Variants in PCDHGB2 observed in about 807,000 individuals in gnomAD.
PCDHGB2 encodes protocadherin gamma-B2.
In PCDHGB2, 55 loss-of-function variants were observed where a neutral mutation model predicts 59.3. That is an observed-to-expected ratio of 0.93 (90% CI 0.75 to 1.16). PCDHGB2 has a LOEUF of 1.16. Among genes scored for constraint, PCDHGB2 ranks in the 50% most tolerant of loss-of-function variants. The probability of loss-of-function intolerance (pLI) is 0.00; values close to 1 mark genes in which losing one functional copy is unlikely to be tolerated. For missense variants in PCDHGB2, 1,228 were observed against 1,198.5 expected (o/e 1.02, Z -0.36); for synonymous variants, 516 against 512.0 (o/e 1.01, Z -0.11).
At chr5:141,488,268 C>T (rs1371050827) in intron 1 of PCDHGB2, among the ~76,000 whole-genome samples, 1 of 152,170 alleles carries the variant, frequency 6.6e-6, no homozygotes, top group East Asian at 1.9e-4. Context: ...GCGGGTTGGT[C>T]ATCACCTTTG....
intron 1 of PCDHGB2, chr5:141,409,547 G>A (rs760802690): frequency 1.2e-6 from 2 of 1,613,936 alleles, no homozygotes; most frequent in Non-Finnish European, 1.7e-6. Flanking sequence ...CAACGACAAC[G>A]CCCCAGTTTT....
intron 1 of PCDHGB2, chr5:141,399,976 CTGCGCACAGGAGAGG>C: frequency 1.2e-6 from 2 of 1,612,242 alleles, no homozygotes; most frequent in Non-Finnish European, 8.5e-7. Context: ...CAGCCTGGGG[CTGCGCACAGGAGAGG>C]TGCGCACAGC....
chr5:141,361,534 C>T lies in PCDHGB2; in HGVS notation c.1399C>T (p.Pro467Ser), dbSNP rs1251295002. 2.5e-6 allele frequency: 4 copies of T among 1,614,058 alleles called. No homozygotes were observed. The highest frequency in any genetic ancestry group is 2.5e-6 in the Non-Finnish European group (3 of 1,179,902). ...YMVHVAENNP[P>S]GASIAQISAS... Reference sequence around the variant, plus strand: ...GGTTCACGTGGCAGAGAACAATCCTCCTGGCGCCTCTATCGCTCAAATCAG... The same window carrying T: ...GGTTCACGTGGCAGAGAACAATCCTTCTGGCGCCTCTATCGCTCAAATCAG... Residue 467 changes from proline (P) to serine (S), a missense_variant, in exon 1 of 4, where the codon CCT becomes TCT. Physicochemically the swap from Pro to Ser is moderately conservative, Grantham distance 74. Around this residue, in one of 3 missense-constraint regions of PCDHGB2, gnomAD observed 781 missense variants for 721.6 expected, o/e 1.08. Coordinates refer to ENST00000522605, the MANE Select transcript of PCDHGB2 (RefSeq NM_018923.3).
At chr5:141,376,815 T>C in intron 1 of PCDHGB2, 1 of 299,046 alleles carries the variant, frequency 3.3e-6, no homozygotes, top group Admixed American at 4.9e-5. Context: ...GCCTCCCTAG[T>C]AGCTGGGACT....
intron 1 of PCDHGB2, among the ~76,000 whole-genome samples, chr5:141,483,207 A>C (rs1225621725): frequency 6.6e-6 from 1 of 152,224 alleles, no homozygotes; most frequent in African/African-American, 2.4e-5. Flanking sequence ...TATTCCATAT[A>C]GATGACAGTC....
intron 1 of PCDHGB2, chr5:141,404,077 C>T: frequency 6.2e-7 from 1 of 1,613,742 alleles, no homozygotes; most frequent in East Asian, 2.2e-5. Flanking sequence ...ATGACCGAGA[C>T]TCCGGGAAGA....
At position 141,491,660 on chromosome 5, in the gene PCDHGB2, C is replaced by A; in HGVS notation, c.2422-3147C>A. ...ACAGCTCTGGCGCTGGAGCCTGACGCCATCCGGTCCCGCTCTAATACGCTG... is the reference window on the plus strand; with the variant it reads ...ACAGCTCTGGCGCTGGAGCCTGACGACATCCGGTCCCGCTCTAATACGCTG... On this transcript the variant is annotated intron_variant, in intron 1 of 3. Transcript: ENST00000522605. The surrounding 1 kb of genome is among the most constrained non-coding windows in gnomAD (Gnocchi z 6.9). The A allele has an allele frequency of 6.2e-7, 1 of 1,613,810 alleles. No individual in the cohort carries two copies. The highest frequency in any genetic ancestry group is 8.5e-7 in the Non-Finnish European group (1 of 1,180,008).
intron 1 of PCDHGB2, chr5:141,413,638 C>T (rs768604791): frequency 4.8e-5 from 78 of 1,613,686 alleles, no homozygotes; most frequent in Middle Eastern, 1.6e-4. Flanking sequence ...TGCGGGAATG[C>T]GTTTTCCTCT....
chr5:141,370,197 G>A (rs1766736161), intron 1 of PCDHGB2: 1 of 536,070 alleles, frequency 1.9e-6, no homozygotes, highest in Non-Finnish European at 3.2e-6. Flanking sequence ...CTAGTGCTGT[G>A]CAAAATATTG....
At chr5:141,425,021 CT>C (rs1561817318) in intron 1 of PCDHGB2, among the ~76,000 whole-genome samples, 1 of 152,054 alleles carries the variant, frequency 6.6e-6, no homozygotes, top group Non-Finnish European at 1.5e-5. Context: ...AGGAATTTAC[CT>C]TATGTCATTA....
At chr5:141,387,610 T>A in intron 1 of PCDHGB2, 2 of 558,176 alleles carry the variant, frequency 3.6e-6, no homozygotes, top group East Asian at 3.0e-5. Flanking sequence ...AGGCTGTAGT[T>A]TCCTAGTGCT....
chr5:141,374,181 A>C (rs765792921), intron 1 of PCDHGB2: 2 of 1,613,530 alleles, frequency 1.2e-6, no homozygotes, highest in African/African-American at 2.7e-5. Flanking sequence ...CAGATCCGCT[A>C]CTCTATTCCC....
At position 141,432,480 on chromosome 5, in the gene PCDHGB2, G is replaced by C; in HGVS notation, c.2422-62327G>C. ...GCCCTCCCCACGGACGGTTCCACTGGCGTGGAGCTGGCTCCCCGCTCCGCA... is the reference window on the plus strand; with the variant it reads ...GCCCTCCCCACGGACGGTTCCACTGCCGTGGAGCTGGCTCCCCGCTCCGCA... On this transcript the variant is annotated intron_variant, in intron 1 of 3. Coordinates refer to ENST00000522605, the MANE Select transcript of PCDHGB2 (RefSeq NM_018923.3). The surrounding 1 kb of genome is among the most constrained non-coding windows in gnomAD (Gnocchi z 6.0). 6 of 1,614,180 alleles carry C rather than the reference G, an allele frequency of 3.7e-6. No homozygotes were observed. Among genetic ancestry groups the C allele is most frequent in the Non-Finnish European group, 5.1e-6 (6 of 1,180,044 alleles).
intron 3 of PCDHGB2, among the ~76,000 whole-genome samples, chr5:141,507,803 G>GAC (rs2099863701): frequency 6.6e-6 from 1 of 152,228 alleles, no homozygotes; most frequent in Admixed American, 6.5e-5. Flanking sequence ...CCTGCGCCCT[G>GAC]GGGAACGGAC....
chr5:141,415,845 A>G, intron 1 of PCDHGB2: 1 of 1,246,436 alleles, frequency 8.0e-7, no homozygotes, highest in Non-Finnish European at 1.0e-6. Flanking sequence ...TTAGCTTTGC[A>G]GAACCTTGTA....
chr5:141,394,972 A>G (rs766374618), intron 1 of PCDHGB2: 1 of 1,613,902 alleles, frequency 6.2e-7, no homozygotes, highest in Non-Finnish European at 8.5e-7. Context: ...AGGCGCTGGC[A>G]CAAGTCACGC....
chr5:141,464,263 TAAA>T (rs35224477), intron 1 of PCDHGB2, among the ~76,000 whole-genome samples: 2 of 103,604 alleles, frequency 1.9e-5, no homozygotes, highest in Non-Finnish European at 1.9e-5. Flanking sequence ...AGACTCCGTC[TAAA>T]AAAAAAAAAA....
At chr5:141,420,222 TG>T in intron 1 of PCDHGB2, 1 of 1,604,490 alleles carries the variant, frequency 6.2e-7, no homozygotes, top group East Asian at 2.2e-5. Flanking sequence ...AGCATGCTAC[TG>T]GCTAGCATTT....
intron 1 of PCDHGB2, chr5:141,413,373 C>T (rs1421093311): frequency 1.2e-6 from 2 of 1,613,946 alleles, no homozygotes; most frequent in Non-Finnish European, 1.7e-6. Flanking sequence ...TGGCGGAGCG[C>T]GGAGTCCGCA....
Sources: gnomAD v4.1 joint callset for allele counts (sites outside exome capture counted in the v4.1 genomes callset) on GRCh38, gnomAD v4.1.1 for gene constraint, gnomAD v4.1.1 regional missense constraint, Gnocchi (gnomAD v3.1) non-coding constraint, MANE v1.5 for transcripts, NCBI Gene and HGNC (gene_info 2026-07-23, HGNC 2026-07-21) for gene names.